MEGF10: variants seen among roughly 807,000 people sequenced by gnomAD.
MEGF10 encodes multiple epidermal growth factor-like domains protein 10.
In MEGF10, 86 loss-of-function variants were observed where a neutral mutation model predicts 147.5. That is an observed-to-expected ratio of 0.58 (90% confidence interval 0.49 to 0.70). MEGF10 has a LOEUF of 0.70. MEGF10 is among the 30% of genes least tolerant of loss of function. The pLI, the probability that MEGF10 is intolerant of heterozygous loss-of-function variation, is 0.00. For missense variants in MEGF10, 1,329 were observed against 1,487.3 expected (o/e 0.89, Z 1.75); for synonymous variants, 478 against 525.5 (o/e 0.91, Z 1.24).
chr5:127,315,501 C>A (rs1234004340), intron 1 of MEGF10, among the ~76,000 whole-genome samples: 2 of 152,102 alleles, frequency 1.3e-5, no homozygotes, highest in Non-Finnish European at 2.9e-5. Context: ...TCTTGCCGGG[C>A]GTGGTGGCCC....
intron 1 of MEGF10, among the ~76,000 whole-genome samples, chr5:127,326,816 G>A (rs555194491): frequency 1.3e-5 from 2 of 152,140 alleles, no homozygotes; most frequent in Non-Finnish European, 2.9e-5. Context: ...CAGAAAATGA[G>A]CTTGAGAAAA....
intron 1 of MEGF10, among the ~76,000 whole-genome samples, chr5:127,304,269 GA>G (rs1342116784): frequency 6.6e-6 from 1 of 152,188 alleles, no homozygotes; most frequent in Non-Finnish European, 1.5e-5. Context: ...CCTGAATCAA[GA>G]AGTCTTTTGA....
chr5:127,244,681 G>C, the MEGF10 span, among the ~76,000 whole-genome samples: 1 of 151,918 alleles, frequency 6.6e-6, no homozygotes, highest in Non-Finnish European at 1.5e-5. Flanking sequence ...ACTAACATTA[G>C]AAAACCTGAG....
chr5:127,358,653 A>C (rs1487155187), intron 4 of MEGF10, among the ~76,000 whole-genome samples: 1 of 152,186 alleles, frequency 6.6e-6, no homozygotes, highest in African/African-American at 2.4e-5. Flanking sequence ...AATTTGTCCC[A>C]AATGAAGGTA....
At chr5:127,265,813 G>T in the MEGF10 span, among the ~76,000 whole-genome samples, 32 of 152,254 alleles carry the variant, frequency 2.1e-4, no homozygotes, top group Admixed American at 2.0e-3. Context: ...GTAGACTCTG[G>T]ATATTAGCCC....
intron 1 of MEGF10, among the ~76,000 whole-genome samples, chr5:127,318,271 T>A (rs913676779): frequency 2.0e-5 from 3 of 152,128 alleles, no homozygotes; most frequent in African/African-American, 7.2e-5. Context: ...TCTGCTGTTT[T>A]TAAGGCACCC....
At chr5:127,323,170 C>T (rs896275588) in intron 1 of MEGF10, among the ~76,000 whole-genome samples, 35 of 152,102 alleles carry the variant, frequency 2.3e-4, no homozygotes, top group African/African-American at 8.2e-4. Context: ...AGCCCAAGTG[C>T]GGAAAAATAA....
intron 1 of MEGF10, among the ~76,000 whole-genome samples, chr5:127,323,007 C>T (rs1760851677): frequency 6.6e-6 from 1 of 151,796 alleles, no homozygotes; most frequent in South Asian, 2.1e-4. Context: ...ACACACATTG[C>T]ATATACATAT....
chr5:127,338,654 T>G (rs747228371), intron 2 of MEGF10, among the ~76,000 whole-genome samples: 48 of 152,130 alleles, frequency 3.2e-4, no homozygotes, highest in Non-Finnish European at 5.7e-4. Flanking sequence ...GAGAAAAATA[T>G]GTTCTTTCTG....
chr5:127,244,848 C>CA, the MEGF10 span, among the ~76,000 whole-genome samples: 14 of 151,502 alleles, frequency 9.2e-5, no homozygotes, highest in East Asian at 1.4e-3. Context: ...AAACAAAAAA[C>CA]AAAAAAACAA....
At chr5:127,388,127 A>G (rs1178361001) in intron 5 of MEGF10, among the ~76,000 whole-genome samples, 2 of 152,244 alleles carry the variant, frequency 1.3e-5, no homozygotes, top group East Asian at 3.9e-4. Flanking sequence ...CAAGCTTTCT[A>G]GCTTTTTTGT....
chr5:127,243,782 T>C, the MEGF10 span, among the ~76,000 whole-genome samples: 1 of 152,208 alleles, frequency 6.6e-6, no homozygotes, highest in African/African-American at 2.4e-5. Flanking sequence ...AAGCCACTGT[T>C]CACATTTTGG....
At chr5:127,385,654 G>A (rs770527169) in intron 5 of MEGF10, among the ~76,000 whole-genome samples, 3 of 152,076 alleles carry the variant, frequency 2.0e-5, no homozygotes, top group Non-Finnish European at 2.9e-5. Context: ...TATTATAAGC[G>A]GACATCTCTT....
chr5:127,333,073 G>A (rs1419945285), intron 2 of MEGF10, among the ~76,000 whole-genome samples: 1 of 152,120 alleles, frequency 6.6e-6, no homozygotes, highest in Non-Finnish European at 1.5e-5. Flanking sequence ...TGATTTGAAA[G>A]GGAAGGGGTT....
chr5:127,456,739 C>G (rs11743934), intron 24 of MEGF10, among the ~76,000 whole-genome samples: 24,637 of 152,116 alleles, frequency 0.16, 2,051 homozygotes, highest in South Asian at 0.21. Flanking sequence ...TCCTAAAGTT[C>G]TGAACATGTT....
At chr5:127,396,858 G>A in intron 6 of MEGF10, 80 bp downstream of exon 6, 2 of 1,554,582 alleles carry the variant, frequency 1.3e-6, no homozygotes, top group Non-Finnish European at 8.7e-7. Flanking sequence ...CATATTTCTT[G>A]TGCCTCAGTT....
chr5:127,437,912 T>C (rs1240614615), intron 16 of MEGF10, among the ~76,000 whole-genome samples: 3 of 152,362 alleles, frequency 2.0e-5, no homozygotes, highest in African/African-American at 2.4e-5. Flanking sequence ...TCTGCTCAAA[T>C]GTCCTCTCCT....
At chr5:127,392,594 T>C (rs904977117) in intron 5 of MEGF10, among the ~76,000 whole-genome samples, 36 of 152,200 alleles carry the variant, frequency 2.4e-4, no homozygotes, top group African/African-American at 8.4e-4. Flanking sequence ...CTCTTTATTT[T>C]CCTTTGAATT....
chr5:127,304,096 C>T (rs539550109), intron 1 of MEGF10, among the ~76,000 whole-genome samples: 1 of 152,324 alleles, frequency 6.6e-6, no homozygotes, highest in South Asian at 2.1e-4. Context: ...GGTCTGAGCT[C>T]TCCTTAATAT....
Sources: gnomAD v4.1 joint callset for allele counts (sites outside exome capture counted in the v4.1 genomes callset) on GRCh38, gnomAD v4.1.1 for gene constraint, MANE v1.5 for transcripts, NCBI Gene and HGNC (gene_info 2026-07-23, HGNC 2026-07-21) for gene names.